Variants in RGS6 observed in about 807,000 individuals in gnomAD.
RGS6 encodes regulator of G protein signaling 6, also known as regulator of G-protein signaling 6.
RGS6 carries 30 observed loss-of-function variants against 78.5 expected under a neutral mutation model. That is an observed-to-expected ratio of 0.38 (90% confidence interval 0.29 to 0.52). The LOEUF (loss-of-function observed/expected upper bound fraction) is 0.52, where lower values mean the gene tolerates loss of function less well. Among genes scored for constraint, RGS6 ranks in the 20% least tolerant of loss-of-function variants. The pLI is 0.85. For missense variants in RGS6, 495 were observed against 609.7 expected (o/e 0.81, Z 1.98); for synonymous variants, 206 against 206.0 (o/e 1.00, Z 0.00).
chr14:72,190,555 G>A (rs909608593), intron 2 of RGS6, among the ~76,000 whole-genome samples: 6 of 152,182 alleles, frequency 3.9e-5, no homozygotes, highest in African/African-American at 1.2e-4. Context: ...CTGGGGTAAT[G>A]CCCCAGACCC....
chr14:72,264,044 G>A (rs2058622573), intron 2 of RGS6, among the ~76,000 whole-genome samples: 1 of 152,150 alleles, frequency 6.6e-6, no homozygotes, highest in Non-Finnish European at 1.5e-5. Context: ...TAACATTTCT[G>A]CAGAGAAACA....
intron 2 of RGS6, among the ~76,000 whole-genome samples, chr14:72,265,509 A>G (rs538097500): frequency 1.3e-5 from 2 of 152,294 alleles, no homozygotes; most frequent in South Asian, 4.2e-4. Context: ...TTTAAGTGAC[A>G]GGCTGCTTGA....
At chr14:72,274,688 GAGA>G (rs1297430324) in intron 2 of RGS6, among the ~76,000 whole-genome samples, 2 of 152,224 alleles carry the variant, frequency 1.3e-5, no homozygotes, top group Non-Finnish European at 2.9e-5. Context: ...GTCAGAGTCA[GAGA>G]AGAAGTTGTA....
chr14:72,190,238 G>A (rs1192503842), intron 2 of RGS6, among the ~76,000 whole-genome samples: 1 of 152,208 alleles, frequency 6.6e-6, no homozygotes, highest in Non-Finnish European at 1.5e-5. Context: ...GGAGTGGGCA[G>A]TTCTGTTCAC....
chr14:72,579,781 T>G, the RGS6 span, among the ~76,000 whole-genome samples: 1 of 152,132 alleles, frequency 6.6e-6, no homozygotes, highest in African/African-American at 2.4e-5. Context: ...TAGCAACAAG[T>G]AAACATGGCA....
chr14:72,218,288 A>G (rs2046050529), intron 2 of RGS6, among the ~76,000 whole-genome samples: 1 of 152,184 alleles, frequency 6.6e-6, no homozygotes, highest in African/African-American at 2.4e-5. Flanking sequence ...GGTAAATTAC[A>G]GTTGATTATC....
chr14:72,623,364 CAA>C, the RGS6 span, among the ~76,000 whole-genome samples: 1 of 152,072 alleles, frequency 6.6e-6, no homozygotes. Context: ...GTTATGTATC[CAA>C]TTGGTAGCAT....
chr14:72,224,707 A>G lies in RGS6; in HGVS notation c.85-127388A>G, dbSNP rs556775307. 3.9e-5 allele frequency among the ~76,000 whole-genome samples: 6 copies of G among 152,308 alleles called. No homozygotes were observed. The East Asian group carries it at 1.2e-3, about 29-fold the overall frequency. On this transcript the variant is annotated intron_variant, in intron 2 of 17. Coordinates refer to ENST00000553525, the MANE Select transcript of RGS6 (RefSeq NM_001204424.2). ...GAAAGGCGTGGAACTTGATTCCCACAAATGTGTGTGCATCAGTATATAAAG... is the reference window on the plus strand; with the variant it reads ...GAAAGGCGTGGAACTTGATTCCCACGAATGTGTGTGCATCAGTATATAAAG...
chr14:72,598,828 C>G, the RGS6 span, among the ~76,000 whole-genome samples: 10 of 152,250 alleles, frequency 6.6e-5, no homozygotes, highest in Non-Finnish European at 1.5e-4. Flanking sequence ...CTGGCCCATT[C>G]CTTCTCCCCT....
At chr14:72,428,285 A>G (rs550638703) in intron 3 of RGS6, among the ~76,000 whole-genome samples, 3 of 152,292 alleles carry the variant, frequency 2.0e-5, no homozygotes, top group East Asian at 1.9e-4. Flanking sequence ...TCTAACGGCA[A>G]AGTTACAGGT....
At chr14:72,038,540 T>C (rs2092026956) in intron 2 of RGS6, among the ~76,000 whole-genome samples, 1 of 152,146 alleles carries the variant, frequency 6.6e-6, no homozygotes, top group Non-Finnish European at 1.5e-5. Flanking sequence ...GTTTTTTTCA[T>C]TTATTTAGGT....
At chr14:72,533,609 A>G (rs1430412446) in intron 15 of RGS6, among the ~76,000 whole-genome samples, 1 of 152,252 alleles carries the variant, frequency 6.6e-6, no homozygotes, top group Non-Finnish European at 1.5e-5. Context: ...GATGCCATTA[A>G]GAACATTTGT....
chr14:72,007,230 A>G (rs939463760), intron 2 of RGS6, among the ~76,000 whole-genome samples: 10 of 152,190 alleles, frequency 6.6e-5, no homozygotes, highest in African/African-American at 2.4e-4. Context: ...TAAATAAAAA[A>G]GAGCCAGGAC....
At chr14:71,968,667 C>T (rs1428764394) in intron 2 of RGS6, among the ~76,000 whole-genome samples, 1 of 152,162 alleles carries the variant, frequency 6.6e-6, no homozygotes, top group Non-Finnish European at 1.5e-5. Flanking sequence ...TTCTAGCACC[C>T]TATGCGACTA....
intron 3 of RGS6, among the ~76,000 whole-genome samples, chr14:72,357,223 G>A (rs1390450295): frequency 4.0e-5 from 6 of 150,134 alleles, no homozygotes; most frequent in Non-Finnish European, 8.9e-5. Context: ...GGTGAGCTGA[G>A]ATCACACCAC....
intron 12 of RGS6, among the ~76,000 whole-genome samples, chr14:72,493,487 C>A (rs1034428352): frequency 1.9e-5 from 2 of 107,232 alleles, no homozygotes; most frequent in African/African-American, 3.9e-5. Context: ...TTCAGGATGT[C>A]CAATATTGAA....
the RGS6 span, among the ~76,000 whole-genome samples, chr14:71,891,326 A>G: frequency 6.6e-6 from 1 of 152,152 alleles, no homozygotes. Flanking sequence ...AGCTACGGTC[A>G]TCTGAAGGTC....
At chr14:72,249,865 A>G (rs1353424671) in intron 2 of RGS6, among the ~76,000 whole-genome samples, 3 of 152,076 alleles carry the variant, frequency 2.0e-5, no homozygotes, top group Admixed American at 6.6e-5. Flanking sequence ...GATAGACTGG[A>G]TTAAGAAAAT....
intron 2 of RGS6, among the ~76,000 whole-genome samples, chr14:72,136,404 T>C (rs1157511082): frequency 1.3e-5 from 2 of 151,850 alleles, no homozygotes; most frequent in East Asian, 3.8e-4. Context: ...TATCGAAGAC[T>C]GGGTAATTTA....
Sources: gnomAD v4.1 joint callset for allele counts (sites outside exome capture counted in the v4.1 genomes callset) on GRCh38, gnomAD v4.1.1 for gene constraint, MANE v1.5 for transcripts, NCBI Gene and HGNC (gene_info 2026-07-23, HGNC 2026-07-21) for gene names.